The following MICAL2 variants were observed in gnomAD, a reference collection of about 807,000 sequenced individuals.
MICAL2 encodes microtubule associated monooxygenase, calponin and LIM domain containing 2.
Under a neutral mutation model 127.3 loss-of-function variants are expected in MICAL2, and 77 were observed. The observed-to-expected ratio is 0.60, with a 90% confidence interval of 0.50 to 0.73. The LOEUF (loss-of-function observed/expected upper bound fraction) is 0.73, where lower values mean the gene tolerates loss of function less well. MICAL2 is among the 30% of genes least tolerant of loss of function. MICAL2 has a pLI of 0.00. For synonymous variants in MICAL2, 570 were observed against 551.1 expected (o/e 1.03, Z -0.48); for missense variants, 1,351 against 1,434.4 (o/e 0.94, Z 0.94).
intron 2 of MICAL2, among the ~76,000 whole-genome samples, chr11:12,147,890 G>A (rs907223496): frequency 6.6e-6 from 1 of 152,200 alleles, no homozygotes; most frequent in African/African-American, 2.4e-5. Flanking sequence ...TTCGGGAACA[G>A]GCCCAGGAAA....
In MICAL2 at chr11:12,357,679, AC is replaced by A. The variant is rs1175865793; in HGVS notation, c.5690-615del. The stretch of plus-strand genomic sequence containing the variant: ...TGGTGAAACCCCGTCTCTACTAAAA[AC>A]ACAAAAAATTGGCCAGGCGTGGTGG... On this transcript the variant is annotated intron_variant, in intron 34 of 34. Transcript: ENST00000646065. Among the ~76,000 whole-genome samples, 38 of 152,148 alleles carry A rather than the reference AC, an allele frequency of 2.5e-4. 1 individual carries two copies. The East Asian group carries it at 5.8e-3, about 23-fold the overall frequency.
rs1046278859 is a variant in MICAL2 at position 12,208,029 on chromosome 11, G to A, written c.479G>A (p.Arg160His). The change falls in exon 5 of 28, where the codon CGC becomes CAC. Residue 160 changes from arginine to histidine, a missense_variant. Transcript: ENST00000683283. ...CAGSIDHISI[R>H]QLQLILFKVA... ...TCTCCTTCCTGCCTGACAGGTATTC[G>A]CCAACTACAGCTCATCCTATTCAAG... is the stretch of plus-strand genomic sequence containing the variant. The A allele has an allele frequency of 3.7e-6, 6 of 1,613,606 alleles. No individual in the cohort carries two copies. Among genetic ancestry groups the A allele is most frequent in the African/African-American group, 2.7e-5 (2 of 74,918 alleles).
At chr11:12,333,796 C>CACCT (rs949753686) in intron 32 of MICAL2, among the ~76,000 whole-genome samples, 13 of 151,882 alleles carry the variant, frequency 8.6e-5, no homozygotes, top group African/African-American at 3.1e-4. Context: ...TATAAGGTAC[C>CACCT]TAGGAGTAAA....
chr11:12,162,404 G>A lies in MICAL2; in HGVS notation c.249G>A (p.Ser83=), dbSNP rs776503893. The change falls in exon 3 of 28, where the codon TCG becomes TCA. Residue 83 remains serine (S), a synonymous_variant. Coordinates refer to ENST00000683283, the MANE Select transcript of MICAL2 (RefSeq NM_001282663.2). ...ACAAAGAGTATAAGCGAGGGAAGTC[G>A]TGCACGAACACCAAGGTAAGGGGAA... ...GSHKEYKRGK[S]CTNTKCLIVG... 38 of 1,614,100 alleles carry A rather than the reference G, an allele frequency of 2.4e-5. No individual in the cohort carries two copies. The highest frequency in any genetic ancestry group is 6.6e-5 in the South Asian group (6 of 91,090).
chr11:12,178,017 C>A (rs749372205), intron 3 of MICAL2, among the ~76,000 whole-genome samples: 4 of 152,220 alleles, frequency 2.6e-5, no homozygotes, highest in Non-Finnish European at 5.9e-5. Context: ...TGGTGGCTGG[C>A]AGCCCATAGG....
intron 2 of MICAL2, among the ~76,000 whole-genome samples, chr11:12,147,122 A>C (rs1027625454): frequency 6.6e-6 from 1 of 152,162 alleles, no homozygotes; most frequent in Non-Finnish European, 1.5e-5. Context: ...TGACGAGTTA[A>C]TGGGTGCAGC....
chr11:12,259,592 A>G (rs1052112464), intron 25 of MICAL2: 1 of 441,000 alleles, frequency 2.3e-6, no homozygotes, highest in Non-Finnish European at 4.0e-6. Context: ...ATATTTTTGA[A>G]GGCTCGTGAC....
At chr11:12,140,757 A>G (rs1358927477) in intron 2 of MICAL2, among the ~76,000 whole-genome samples, 2 of 152,190 alleles carry the variant, frequency 1.3e-5, no homozygotes, top group African/African-American at 4.8e-5. Flanking sequence ...GGAGAAGCAG[A>G]TCCTACTGTT....
At chr11:12,324,157 T>C in intron 31 of MICAL2, 1 of 1,463,106 alleles carries the variant, frequency 6.8e-7, no homozygotes, top group Non-Finnish European at 9.2e-7. Flanking sequence ...GGGTCTGCAT[T>C]GTATTAGGGA....
intron 1 of MICAL2, among the ~76,000 whole-genome samples, chr11:12,277,647 G>A (rs1863735851): frequency 6.6e-6 from 1 of 152,160 alleles, no homozygotes; most frequent in Non-Finnish European, 1.5e-5. Flanking sequence ...AGTGGGAAAA[G>A]AATAAGAGAT....
intron 32 of MICAL2, among the ~76,000 whole-genome samples, chr11:12,341,553 G>A (rs866404211): frequency 3.7e-4 from 56 of 152,002 alleles, no homozygotes; most frequent in African/African-American, 1.0e-3. Context: ...TTGGCCCGGC[G>A]CGGTGGCTTA....
chr11:12,361,944 G>C (rs1454643717), downstream of MICAL2, among the ~76,000 whole-genome samples: 1 of 152,234 alleles, frequency 6.6e-6, no homozygotes, highest in Non-Finnish European at 1.5e-5. Context: ...ATTGTAATAA[G>C]AAAGTTCACA....
chr11:12,294,643 CA>C (rs775313065), downstream of MICAL2: 1 of 1,614,082 alleles, frequency 6.2e-7, no homozygotes, highest in Non-Finnish European at 8.5e-7. Flanking sequence ...GACTCAAAGA[CA>C]AATCTTTTGA....
At chr11:12,216,496 C>A (rs545735672) in intron 8 of MICAL2, 177 bp downstream of exon 8, 2 of 597,012 alleles carry the variant, frequency 3.4e-6, no homozygotes, top group South Asian at 4.1e-5. Flanking sequence ...AAGGAGCCCA[C>A]GCCAATATGC....
chr11:12,134,026 G>T (rs1851639542), intron 1 of MICAL2, among the ~76,000 whole-genome samples: 1 of 152,230 alleles, frequency 6.6e-6, no homozygotes, highest in Non-Finnish European at 1.5e-5. Context: ...TGTGCATGGG[G>T]TGGAACAGGC....
At position 12,224,850 on chromosome 11, in the gene MICAL2, A is replaced by C. The variant is rs771091082; in HGVS notation, c.1688+30A>C. 2.3e-5 allele frequency: 36 copies of C among 1,590,472 alleles called. No homozygotes were observed. The South Asian group carries it at 3.9e-4, about 17-fold the overall frequency. ...GTCTGGGGCCCAGGCTGGCCCCTGG[A>C]GACGAGGGATGCCAAGGCCATTCTG... is the stretch of plus-strand genomic sequence containing the variant. On this transcript the variant is annotated intron_variant, in intron 13 of 27. Transcript: ENST00000683283.
At chr11:12,213,024 T>G (rs747666853) in intron 6 of MICAL2, among the ~76,000 whole-genome samples, 2 of 152,176 alleles carry the variant, frequency 1.3e-5, no homozygotes, top group Admixed American at 6.5e-5. Flanking sequence ...TTTCCTTTTG[T>G]TTATTGAAGC....
chr11:12,168,367 TACAC>T (rs1439580763), intron 3 of MICAL2, among the ~76,000 whole-genome samples: 4 of 147,562 alleles, frequency 2.7e-5, no homozygotes, highest in East Asian at 4.0e-4. Flanking sequence ...AATACACACA[TACAC>T]ACACATACTA....
chr11:12,170,342 G>A (rs1856084897), intron 3 of MICAL2, among the ~76,000 whole-genome samples: 2 of 151,988 alleles, frequency 1.3e-5, no homozygotes, highest in Non-Finnish European at 2.9e-5. Context: ...CTCAACTACT[G>A]GGGAGTCTGA....
Sources: gnomAD v4.1 joint callset for allele counts (sites outside exome capture counted in the v4.1 genomes callset) on GRCh38, gnomAD v4.1.1 for gene constraint, MANE v1.5 for transcripts, NCBI Gene and HGNC (gene_info 2026-07-23, HGNC 2026-07-21) for gene names.